The following LRRN2 variants were observed in gnomAD, a reference collection of about 807,000 sequenced individuals.
LRRN2 encodes the protein leucine rich repeat neuronal 2.
A neutral mutation model predicts 35.7 loss-of-function variants in LRRN2; 10 were observed. The observed-to-expected ratio is 0.28, with a 90% CI of 0.17 to 0.47. The LOEUF (loss-of-function observed/expected upper bound fraction) is 0.47. LRRN2 is among the 20% of genes least tolerant of loss of function. LRRN2 has a pLI of 0.99. For missense variants in LRRN2, 731 were observed against 940.3 expected (o/e 0.78, Z 2.91); for synonymous variants, 391 against 409.6 (o/e 0.95, Z 0.55).
intron 1 of LRRN2, among the ~76,000 whole-genome samples, chr1:204,672,449 G>T (rs1668734857): frequency 6.6e-6 from 1 of 152,146 alleles, no homozygotes; most frequent in Non-Finnish European, 1.5e-5. Context: ...GTCAATTGGG[G>T]TCCCTGAGCC....
intron 1 of LRRN2, among the ~76,000 whole-genome samples, chr1:204,622,739 C>A (rs1667003929): frequency 6.6e-6 from 1 of 152,130 alleles, no homozygotes; most frequent in East Asian, 1.9e-4. Flanking sequence ...GCCACACTTA[C>A]ATACCAGAGA....
chr1:204,652,262 C>CT (rs1196292762), intron 1 of LRRN2, among the ~76,000 whole-genome samples: 3 of 19,840 alleles, frequency 1.5e-4, no homozygotes, highest in Non-Finnish European at 2.4e-4. Context: ...TCTTCACCGC[C>CT]CCCCCCCCGC....
chr1:204,657,678 G>A (rs57962703), intron 1 of LRRN2, among the ~76,000 whole-genome samples: 27,448 of 151,966 alleles, frequency 0.18, 2,938 homozygotes, highest in East Asian at 0.48. Flanking sequence ...GTACAACCTT[G>A]TGAATATATA....
chr1:204,676,601 C>T (rs879733934), intron 1 of LRRN2, among the ~76,000 whole-genome samples: 5 of 152,036 alleles, frequency 3.3e-5, no homozygotes, highest in Non-Finnish European at 7.4e-5. Context: ...AATCACAGCC[C>T]CGGTGTTTTA....
intron 1 of LRRN2, among the ~76,000 whole-genome samples, chr1:204,666,940 T>G: frequency 8.5e-6 from 1 of 117,956 alleles, no homozygotes; most frequent in Non-Finnish European, 1.6e-5. Flanking sequence ...CCAGCCTGGA[T>G]GCCAGAGTGA....
intron 1 of LRRN2, among the ~76,000 whole-genome samples, chr1:204,625,293 A>G (rs551717905): frequency 6.6e-6 from 1 of 152,330 alleles, no homozygotes; most frequent in South Asian, 2.1e-4. Flanking sequence ...TGGAAGGTAC[A>G]TGAAGTGCCT....
intron 1 of LRRN2, among the ~76,000 whole-genome samples, chr1:204,683,397 T>A (rs970001167): frequency 6.8e-6 from 1 of 147,470 alleles, no homozygotes. Context: ...AAGAGCAGTG[T>A]GAGGGGGAAA....
chr1:204,670,555 C>A (rs2102239400), intron 1 of LRRN2, among the ~76,000 whole-genome samples: 1 of 152,124 alleles, frequency 6.6e-6, no homozygotes, highest in South Asian at 2.1e-4. Context: ...GTTCGTGTGG[C>A]TGAGATGGCC....
chr1:204,634,507 T>C (rs1667784873), intron 1 of LRRN2, among the ~76,000 whole-genome samples: 1 of 152,148 alleles, frequency 6.6e-6, no homozygotes, highest in Non-Finnish European at 1.5e-5. Flanking sequence ...GAGGCTGTTA[T>C]GGAAGGCCCT....
chr1:204,647,777 T>A (rs951377926), intron 1 of LRRN2, among the ~76,000 whole-genome samples: 2 of 152,150 alleles, frequency 1.3e-5, no homozygotes, highest in Non-Finnish European at 2.9e-5. Context: ...CAGCCCCACA[T>A]GAGGCCACTG....
At chr1:204,671,458 T>C (rs1668710652) in intron 1 of LRRN2, among the ~76,000 whole-genome samples, 1 of 148,458 alleles carries the variant, frequency 6.7e-6, no homozygotes, top group Admixed American at 6.8e-5. Flanking sequence ...TCCAGATTCC[T>C]GAATGCAGGT....
Position 204,618,244 on chromosome 1 carries a change from G to A in LRRN2, c.1749C>T (p.Asn583=). ...CCGTGGCCTGAAGGAGGCGGGTAATGTTGTAGCTGTGGGTTCCCCGAGGCA... is the reference window on the plus strand; with the variant it reads ...CCGTGGCCTGAAGGAGGCGGGTAATATTGTAGCTGTGGGTTCCCCGAGGCA... The part of the protein sequence containing the change: ...ARLPRGTHSY[N]ITRLLQATEY... Residue 583 remains asparagine (N), a synonymous_variant, in exon 2 of 2, where the codon AAC becomes AAT. Coordinates refer to ENST00000367177, the MANE Select transcript of LRRN2 (RefSeq NM_201630.2). 6.2e-7 allele frequency: 1 copy of A among 1,613,156 alleles called. No homozygotes were observed. Among genetic ancestry groups the A allele is most frequent in the Non-Finnish European group, 8.5e-7 (1 of 1,179,482 alleles).
At chr1:204,661,358 G>A (rs1439899712) in intron 1 of LRRN2, among the ~76,000 whole-genome samples, 1 of 152,148 alleles carries the variant, frequency 6.6e-6, no homozygotes, top group East Asian at 1.9e-4. Flanking sequence ...ATATGGGGAT[G>A]TTGTATACCC....
intron 1 of LRRN2, among the ~76,000 whole-genome samples, chr1:204,679,724 C>T (rs1668904071): frequency 1.3e-5 from 2 of 152,228 alleles, no homozygotes; most frequent in African/African-American, 4.8e-5. Flanking sequence ...CCCAGCAAGC[C>T]ACCCTTGCAT....
chr1:204,651,226 A>G (rs12127178), intron 1 of LRRN2, among the ~76,000 whole-genome samples: 91,804 of 151,970 alleles, frequency 0.6, 28,213 homozygotes, highest in East Asian at 0.86. Flanking sequence ...CCTCAGTCCT[A>G]CAGCCACCTG....
At position 204,619,028 on chromosome 1, in the gene LRRN2, C is replaced by T. The variant is rs200960245; in HGVS notation, c.965G>A (p.Arg322Gln). ...GGCGCGGGGGTGGATGAAGGACAGC[C>T]GTGGGTTATTGGTGATGTCCAGCTT... ...LTKLDITNNP[R>Q]LSFIHPRAFH... Residue 322 changes from arginine (R) to glutamine (Q), a missense_variant, in exon 2 of 2, where the codon CGG (arginine) becomes CAG (glutamine). By Grantham distance (43) the Arg-to-Gln change is conservative (BLOSUM62 1). Transcript: ENST00000367177. The T allele has an allele frequency of 2.2e-5, 36 of 1,608,578 alleles. No individual in the cohort carries two copies. Among genetic ancestry groups the T allele is most frequent in the Admixed American group, 3.3e-5 (2 of 59,766 alleles).
rs766381611 is a variant in LRRN2, at chr1:204,619,818, A to G, written c.175T>C (p.Phe59Leu). ...AGTGCCGGGGGGACTGCCGTCAGGAATAGGTCATTGCAGTCCACAGTGGTA... is the reference window on the plus strand; with the variant it reads ...AGTGCCGGGGGGACTGCCGTCAGGAGTAGGTCATTGCAGTCCACAGTGGTA... ...EATTVDCNDL[F>L]LTAVPPALPA... The change falls in exon 2 of 2, where the codon TTC becomes CTC. Residue 59 changes from phenylalanine to leucine, a missense_variant. Physicochemically the swap from Phe to Leu is conservative, Grantham distance 22. Coordinates refer to ENST00000367177, the MANE Select transcript of LRRN2 (RefSeq NM_201630.2). 22 of 1,613,890 alleles carry G rather than the reference A, an allele frequency of 1.4e-5. No homozygotes were observed. The highest frequency in any genetic ancestry group is 1.7e-5 in the Non-Finnish European group (20 of 1,179,934).
Position 204,617,895 on chromosome 1 carries a change from A to T in LRRN2, c.2098T>A (p.Ser700Thr). The change falls in exon 2 of 2, where the codon TCA becomes ACA. Residue 700 changes from serine to threonine, a missense_variant. This residue lies in a region of LRRN2 where 229 missense variants were observed against 258.4 expected (regional missense o/e 0.89). Coordinates refer to ENST00000367177, the MANE Select transcript of LRRN2 (RefSeq NM_201630.2). ...WNPGRKLPRS[S>T]EGETLLPPLS... is the part of the protein sequence containing the mutation. ...GGTGGCAACAGTGTCTCCCCTTCTG[A>T]GGATCTGGGCAGCTTCCTCCCTGGA... The T allele has an allele frequency of 6.2e-7, 1 of 1,614,018 alleles. No homozygotes were observed. Among genetic ancestry groups the T allele is most frequent in the East Asian group, 2.2e-5 (1 of 44,888 alleles).
intron 1 of LRRN2, among the ~76,000 whole-genome samples, chr1:204,622,655 G>A (rs1666994448): frequency 3.9e-5 from 6 of 152,094 alleles, no homozygotes; most frequent in Admixed American, 3.9e-4. Flanking sequence ...CTAGGTGGGT[G>A]GAAAGGAAGG....
Sources: allele counts gnomAD v4.1 joint callset (sites outside exome capture counted in the v4.1 genomes callset), GRCh38; gene constraint gnomAD v4.1.1; regional missense constraint gnomAD v4.1.1; transcripts MANE v1.5; gene names NCBI Gene and HGNC (gene_info 2026-07-23, HGNC 2026-07-21).